Variants in ZC3H3 observed in about 807,000 individuals in gnomAD.
The protein encoded by ZC3H3 is zinc finger CCCH-type containing 3.
In ZC3H3, 36 loss-of-function variants were observed where a neutral mutation model predicts 77.3. That is an observed-to-expected ratio of 0.47 (90% CI 0.36 to 0.61). The LOEUF is 0.61. Among genes scored for constraint, ZC3H3 ranks in the 20% least tolerant of loss-of-function variants. The probability of loss-of-function intolerance (pLI) is 0.00; values close to 1 mark genes in which losing one functional copy is unlikely to be tolerated. For synonymous variants in ZC3H3, 626 were observed against 555.2 expected (o/e 1.13, Z -1.79); for missense variants, 1,331 against 1,312.2 (o/e 1.01, Z -0.22).
intron 3 of ZC3H3, among the ~76,000 whole-genome samples, chr8:143,531,291 C>A (rs747728417): frequency 6.6e-6 from 1 of 152,174 alleles, no homozygotes; most frequent in Non-Finnish European, 1.5e-5. Flanking sequence ...CAGCTGCCAA[C>A]AGACCCATCC....
chr8:143,532,305 G>A (rs1170646831), intron 3 of ZC3H3, among the ~76,000 whole-genome samples: 1 of 152,282 alleles, frequency 6.6e-6, no homozygotes, highest in East Asian at 1.9e-4. Context: ...CGCACGGCAA[G>A]GCTGAAGTGC....
At position 143,518,904 on chromosome 8, in the gene ZC3H3, G is replaced by A. The variant is rs190353610; in HGVS notation, c.1562-11005C>T. ...GCCTTGACCGGGGTGGCACCAGCCC[G>A]GCAGGCAGCCCATTGCCTTTGAGGG... On this transcript the variant is annotated intron_variant, in intron 3 of 11. Coordinates refer to ENST00000262577, the MANE Select transcript of ZC3H3 (RefSeq NM_015117.3). 3.0e-4 allele frequency among the ~76,000 whole-genome samples: 46 copies of A among 152,348 alleles called. 2 individuals are homozygous for A. In the East Asian group the frequency reaches 7.9e-3, roughly 26 times the overall value.
chr8:143,520,701 A>C (rs1430418159), intron 3 of ZC3H3, among the ~76,000 whole-genome samples: 1 of 152,088 alleles, frequency 6.6e-6, no homozygotes. Context: ...GTGAGCGTCC[A>C]CCTCGAGACA....
chr8:143,497,840 C>A (rs1220137120), intron 4 of ZC3H3, among the ~76,000 whole-genome samples: 1 of 152,226 alleles, frequency 6.6e-6, no homozygotes, highest in African/African-American at 2.4e-5. Context: ...CTGGCCAGGT[C>A]TCTGCACTCG....
At chr8:143,513,384 G>C (rs1229032211) in intron 3 of ZC3H3, among the ~76,000 whole-genome samples, 1 of 152,158 alleles carries the variant, frequency 6.6e-6, no homozygotes, top group Admixed American at 6.5e-5. Context: ...TGAGCCCAGA[G>C]TCCCCATCTC....
At chr8:143,447,735 G>A (rs1819895213) in intron 9 of ZC3H3, among the ~76,000 whole-genome samples, 1 of 152,212 alleles carries the variant, frequency 6.6e-6, no homozygotes, top group Non-Finnish European at 1.5e-5. Context: ...CCGAGCAGGA[G>A]GACGAGAGAG....
At chr8:143,495,713 C>A (rs1821327633) in intron 4 of ZC3H3, among the ~76,000 whole-genome samples, 1 of 151,826 alleles carries the variant, frequency 6.6e-6, no homozygotes. Context: ...TCCTGAGTAG[C>A]TGGGGTACAG....
At chr8:143,455,004 A>G (rs780084944) in intron 9 of ZC3H3, among the ~76,000 whole-genome samples, 39 of 151,992 alleles carry the variant, frequency 2.6e-4, no homozygotes, top group Non-Finnish European at 4.4e-4. Flanking sequence ...TAAAAAGGTC[A>G]AAGTTCTCAA....
At chr8:143,516,629 C>A (rs771374310) in intron 3 of ZC3H3, among the ~76,000 whole-genome samples, 25 of 151,916 alleles carry the variant, frequency 1.6e-4, no homozygotes, top group Non-Finnish European at 3.4e-4. Context: ...CAGAGGACCC[C>A]AGCCCCGAGA....
At chr8:143,526,939 A>G (rs1822430248) in intron 3 of ZC3H3, among the ~76,000 whole-genome samples, 1 of 152,296 alleles carries the variant, frequency 6.6e-6, no homozygotes, top group Non-Finnish European at 1.5e-5. Flanking sequence ...GCAGGAGGCA[A>G]GCAGCACAAG....
At chr8:143,471,033 G>T (rs1350613480) in intron 5 of ZC3H3, among the ~76,000 whole-genome samples, 2 of 152,300 alleles carry the variant, frequency 1.3e-5, no homozygotes, top group East Asian at 3.9e-4. Flanking sequence ...AAGGCAAGCG[G>T]GGTGGGGGCC....
chr8:143,504,549 C>G (rs1236795561), intron 4 of ZC3H3, among the ~76,000 whole-genome samples: 1 of 152,158 alleles, frequency 6.6e-6, no homozygotes, highest in Non-Finnish European at 1.5e-5. Flanking sequence ...TCCTGAACAC[C>G]CCACCACAAT....
chr8:143,539,390 G>T, intron 1 of ZC3H3, 70 bp from the exon 2 acceptor site: 2 of 1,412,258 alleles, frequency 1.4e-6, no homozygotes, highest in Non-Finnish European at 1.9e-6. Flanking sequence ...CCCTGGAAGG[G>T]CATCAGCTGG....
intron 9 of ZC3H3, 30 bp downstream of exon 9, chr8:143,465,687 C>T (rs367564534): frequency 1.7e-5 from 28 of 1,611,174 alleles, no homozygotes; most frequent in South Asian, 5.5e-5. Context: ...ACAGGAACCC[C>T]GCCCACTCGG....
rs544390375 is a variant in ZC3H3, at chr8:143,494,417, C to T, written c.1715+13329G>A. Among the ~76,000 whole-genome samples the T allele has an allele frequency of 3.9e-5, 6 of 152,170 alleles. No individual in the cohort carries two copies. In the South Asian group the frequency reaches 1.0e-3, roughly 26 times the overall value. On this transcript the variant is annotated intron_variant, in intron 4 of 11. Coordinates refer to ENST00000262577, the MANE Select transcript of ZC3H3 (RefSeq NM_015117.3). This position sits in a 1 kb window ranked among gnomAD's most constrained non-coding sequence, Gnocchi z 5.3. Reference sequence around the variant, plus strand: ...TGGGAAAAGCACAAATGCCTGCCAGCGTGGAGGATGGGGCTCCGGCAGATG... The same window carrying T: ...TGGGAAAAGCACAAATGCCTGCCAGTGTGGAGGATGGGGCTCCGGCAGATG...
intron 9 of ZC3H3, among the ~76,000 whole-genome samples, chr8:143,442,621 G>A (rs1170402164): frequency 1.3e-5 from 2 of 152,184 alleles, no homozygotes; most frequent in African/African-American, 2.4e-5. Context: ...CCCCAGCAAC[G>A]GCTGGTGGGC....
chr8:143,476,977 G>A (rs1820752310), intron 4 of ZC3H3, among the ~76,000 whole-genome samples: 1 of 152,202 alleles, frequency 6.6e-6, no homozygotes, highest in Non-Finnish European at 1.5e-5. Context: ...TGGCTGGATG[G>A]GGCAGGTACA....
At chr8:143,442,813 G>T (rs1819780889) in intron 9 of ZC3H3, among the ~76,000 whole-genome samples, 1 of 152,116 alleles carries the variant, frequency 6.6e-6, no homozygotes, top group Admixed American at 6.5e-5. Flanking sequence ...TGATAGGATG[G>T]GTTAAATAAA....
intron 4 of ZC3H3, among the ~76,000 whole-genome samples, chr8:143,495,807 T>TG (rs1821332226): frequency 6.6e-6 from 1 of 151,616 alleles, no homozygotes; most frequent in Admixed American, 6.6e-5. Flanking sequence ...CTCACTATGT[T>TG]GCCCGAGCTG....
Sources: allele counts gnomAD v4.1 joint callset (sites outside exome capture counted in the v4.1 genomes callset), GRCh38; gene constraint gnomAD v4.1.1; non-coding constraint Gnocchi (gnomAD v3.1); transcripts MANE v1.5; gene names NCBI Gene and HGNC (gene_info 2026-07-23, HGNC 2026-07-21).